Variants in JAK1 observed in about 807,000 individuals in gnomAD.
JAK1 encodes the protein tyrosine-protein kinase JAK1.
In JAK1, 16 loss-of-function variants were observed where a neutral mutation model predicts 136.6. That is an observed-to-expected ratio of 0.12 (90% CI 0.08 to 0.18). The LOEUF (loss-of-function observed/expected upper bound fraction) is 0.18. Ranked by LOEUF, JAK1 falls within the 10% of genes least tolerant of loss-of-function variation. The pLI is 1.00. For missense variants in JAK1, 859 were observed against 1,450.1 expected (o/e 0.59, Z 6.62); for synonymous variants, 492 against 519.5 (o/e 0.95, Z 0.72).
At chr1:65,019,079 A>G (rs1646915973) in intron 2 of JAK1, among the ~76,000 whole-genome samples, 1 of 152,176 alleles carries the variant, frequency 6.6e-6, no homozygotes, top group African/African-American at 2.4e-5. Flanking sequence ...TGATCATTAA[A>G]TAAGTTGAAT....
At chr1:65,053,299 T>C (rs953759439) in intron 1 of JAK1, among the ~76,000 whole-genome samples, 7 of 152,024 alleles carry the variant, frequency 4.6e-5, no homozygotes, top group Non-Finnish European at 7.4e-5. Context: ...TGAGGCAAGA[T>C]TATGCCACTG....
intron 2 of JAK1, among the ~76,000 whole-genome samples, chr1:65,043,958 G>A (rs765824921): frequency 4.6e-5 from 7 of 152,040 alleles, no homozygotes; most frequent in Non-Finnish European, 1.0e-4. Flanking sequence ...CTGACCTCAA[G>A]TGATCCACCC....
At chr1:64,915,598 A>G (rs1420254928) in intron 1 of JAK1, among the ~76,000 whole-genome samples, 1 of 152,246 alleles carries the variant, frequency 6.6e-6, no homozygotes, top group Non-Finnish European at 1.5e-5. Flanking sequence ...AACGTTTTGT[A>G]TCTGTGCTGT....
chr1:64,834,754 G>T, intron 24 of JAK1, 97 bp from the exon 25 acceptor site: 2 of 785,436 alleles, frequency 2.5e-6, no homozygotes, highest in Non-Finnish European at 4.2e-6. Flanking sequence ...TTTTGGAAAT[G>T]CAATGACTTT....
chr1:65,056,414 A>T (rs1647540267), intron 1 of JAK1, among the ~76,000 whole-genome samples: 1 of 152,208 alleles, frequency 6.6e-6, no homozygotes, highest in African/African-American at 2.4e-5. Flanking sequence ...CACTAAAGGG[A>T]ACTGCAATCA....
intron 11 of JAK1, among the ~76,000 whole-genome samples, chr1:64,854,889 C>T (rs1655826711): frequency 6.6e-6 from 1 of 152,176 alleles, no homozygotes; most frequent in African/African-American, 2.4e-5. Flanking sequence ...GCCCTGACCG[C>T]ACTGGCAACC....
At chr1:64,868,868 C>G (rs1656886107) in intron 6 of JAK1, among the ~76,000 whole-genome samples, 1 of 152,192 alleles carries the variant, frequency 6.6e-6, no homozygotes, top group South Asian at 2.1e-4. Context: ...TCAATTCTCA[C>G]ATTAGAATTA....
intron 7 of JAK1, among the ~76,000 whole-genome samples, chr1:64,866,074 A>G (rs2101109648): frequency 1.3e-5 from 2 of 152,338 alleles, no homozygotes; most frequent in South Asian, 4.1e-4. Flanking sequence ...TTACTTTAAT[A>G]TTATTAATTA....
At chr1:64,891,987 G>C (rs1431263413) in intron 1 of JAK1, among the ~76,000 whole-genome samples, 2 of 152,234 alleles carry the variant, frequency 1.3e-5, no homozygotes, top group African/African-American at 4.8e-5. Flanking sequence ...CCTGCATTCA[G>C]TGAGAGACAG....
At chr1:64,997,473 G>T (rs1646713887) in intron 2 of JAK1, among the ~76,000 whole-genome samples, 1 of 152,084 alleles carries the variant, frequency 6.6e-6, no homozygotes, top group African/African-American at 2.4e-5. Context: ...TTTTAAGAAG[G>T]GGTGACAAAT....
At chr1:64,978,419 A>G (rs1384625601) in intron 2 of JAK1, among the ~76,000 whole-genome samples, 1 of 152,260 alleles carries the variant, frequency 6.6e-6, no homozygotes, top group East Asian at 1.9e-4. Flanking sequence ...AACACTTAAC[A>G]TACAGAGCAG....
At chr1:64,986,102 T>A in intron 2 of JAK1, 4 of 839,666 alleles carry the variant, frequency 4.8e-6, no homozygotes, top group South Asian at 1.5e-5. Context: ...ATGGCCTCAA[T>A]CTAATTGTTT....
upstream of JAK1, among the ~76,000 whole-genome samples, chr1:64,971,097 C>A (rs913736757): frequency 6.6e-6 from 1 of 152,178 alleles, no homozygotes. Flanking sequence ...TAAACTAAAT[C>A]CCCATTGTAC....
intron 2 of JAK1, among the ~76,000 whole-genome samples, chr1:65,036,173 A>G (rs1647071480): frequency 6.6e-6 from 1 of 152,164 alleles, no homozygotes; most frequent in East Asian, 1.9e-4. Context: ...ACTGAATTGT[A>G]CACGTGAAAG....
At chr1:65,040,785 G>A (rs919821216) in intron 2 of JAK1, among the ~76,000 whole-genome samples, 5 of 152,034 alleles carry the variant, frequency 3.3e-5, no homozygotes, top group Admixed American at 6.5e-5. Context: ...ATTTTGCGAG[G>A]GGCAAGGGAT....
intron 1 of JAK1, among the ~76,000 whole-genome samples, chr1:64,928,797 C>CAAAACA (rs1553170036): frequency 2.0e-4 from 16 of 80,824 alleles, no homozygotes; most frequent in Admixed American, 7.1e-4. Context: ...AAAAAAAAAA[C>CAAAACA]AAAAAAAAAA....
In JAK1 at chr1:64,855,651, C is replaced by T. The variant is rs1198112839; in HGVS notation, c.1506G>A (p.Val502=). Residue 502 remains valine (V), a synonymous_variant, in exon 11 of 25, where the codon GTG becomes GTA. Coordinates refer to ENST00000342505, the MANE Select transcript of JAK1 (RefSeq NM_002227.4). ...CGTGCAGACTGTAGCGGCCCTTCTGCACCTCGATCTGAAAGTTCTTGAACT... is the reference window on the plus strand; with the variant it reads ...CGTGCAGACTGTAGCGGCCCTTCTGTACCTCGATCTGAAAGTTCTTGAACT... ...QKQFKNFQIE[V]QKGRYSLHGS... 6.2e-7 allele frequency: 1 copy of T among 1,614,082 alleles called. No individual in the cohort carries two copies. The highest frequency in any genetic ancestry group is 2.2e-5 in the East Asian group (1 of 44,878).
chr1:64,914,040 T>C (rs1425367538), intron 1 of JAK1, among the ~76,000 whole-genome samples: 2 of 152,158 alleles, frequency 1.3e-5, no homozygotes, highest in East Asian at 1.9e-4. Flanking sequence ...CTCTAGACCA[T>C]GCTGAGTAGC....
chr1:64,843,273 G>A (rs1655022144), intron 17 of JAK1, among the ~76,000 whole-genome samples: 2 of 152,142 alleles, frequency 1.3e-5, no homozygotes, highest in African/African-American at 2.4e-5. Flanking sequence ...TCTCACAGCC[G>A]AAACTGATGC....
Sources: allele counts gnomAD v4.1 joint callset (sites outside exome capture counted in the v4.1 genomes callset), GRCh38; gene constraint gnomAD v4.1.1; transcripts MANE v1.5; gene names NCBI Gene and HGNC (gene_info 2026-07-23, HGNC 2026-07-21).